TECRL: variants seen among roughly 807,000 people sequenced by gnomAD.
TECRL encodes trans-2,3-enoyl-CoA reductase-like.
TECRL carries 63 observed loss-of-function variants against 52.8 expected under a neutral mutation model. The observed-to-expected ratio is 1.19, with a 90% CI of 0.97 to 1.47. The LOEUF (loss-of-function observed/expected upper bound fraction) is 1.47. Among genes scored for constraint, TECRL ranks in the 40% most tolerant of loss-of-function variants. The pLI, the probability that TECRL is intolerant of heterozygous loss-of-function variation, is 0.00. For missense variants in TECRL, 482 were observed against 429.6 expected (o/e 1.12, Z -1.08); for synonymous variants, 164 against 141.9 (o/e 1.16, Z -1.10).
chr4:64,298,607 C>T (rs1398851209), intron 8 of TECRL, among the ~76,000 whole-genome samples: 1 of 150,674 alleles, frequency 6.6e-6, no homozygotes, highest in Non-Finnish European at 1.5e-5. Context: ...TAAATACATA[C>T]ATAGCCATAT....
At chr4:64,388,484 C>T (rs1457143535) in intron 1 of TECRL, among the ~76,000 whole-genome samples, 1 of 151,762 alleles carries the variant, frequency 6.6e-6, no homozygotes. Flanking sequence ...TCTTATTTGT[C>T]AATATTGTTT....
At chr4:64,299,907 A>G (rs534146746) in intron 8 of TECRL, 67 bp downstream of exon 8, 15 of 803,422 alleles carry the variant, frequency 1.9e-5, no homozygotes, top group East Asian at 2.8e-5. Flanking sequence ...ATCTTCAGAT[A>G]CAGTCTGTTT....
At chr4:64,284,130 T>C (rs1338064707) in intron 9 of TECRL, among the ~76,000 whole-genome samples, 1 of 152,004 alleles carries the variant, frequency 6.6e-6, no homozygotes, top group African/African-American at 2.4e-5. Flanking sequence ...TGAATAAAGA[T>C]TTGTTTATGT....
downstream of TECRL, chr4:64,276,911 C>A: frequency 5.0e-6 from 3 of 600,066 alleles, no homozygotes; most frequent in South Asian, 8.6e-5. Context: ...ACTCCTAAAA[C>A]CTGTAAATGA....
Position 64,302,423 on chromosome 4 carries a change from AAAC to A in TECRL, c.731-2409_731-2407del, listed in dbSNP as rs1290075987. On this transcript the variant is annotated intron_variant, in intron 7 of 11. Transcript: ENST00000381210. ...AAGAGCAGTGTCAACTATGACGAAA[AAAC>A]AACAACAGAAAACCAGAGAAAATAA... Among the ~76,000 whole-genome samples the A allele has an allele frequency of 9.5e-4, 144 of 151,518 alleles. 1 individual carries two copies. The highest frequency in any genetic ancestry group is 2.7e-3 in the African/African-American group (114 of 41,528).
chr4:64,404,220 C>CA (rs74418503), intron 1 of TECRL, among the ~76,000 whole-genome samples: 8,971 of 115,802 alleles, frequency 0.077, 400 homozygotes, highest in African/African-American at 0.13. Flanking sequence ...AGAGTTTTAC[C>CA]AAAAAAAAAA....
At chr4:64,399,981 C>T (rs72614761) in intron 1 of TECRL, among the ~76,000 whole-genome samples, 38,007 of 151,996 alleles carry the variant, frequency 0.25, 4,895 homozygotes, top group Middle Eastern at 0.31. Flanking sequence ...GGGCCACTGT[C>T]CTCCAGATCC....
At chr4:64,329,114 A>G (rs930042128) in intron 2 of TECRL, among the ~76,000 whole-genome samples, 1 of 151,950 alleles carries the variant, frequency 6.6e-6, no homozygotes, top group Non-Finnish European at 1.5e-5. Context: ...TAAAGAGAGC[A>G]CTAAATAATT....
intron 5 of TECRL, among the ~76,000 whole-genome samples, chr4:64,310,769 C>T (rs1716930631): frequency 6.6e-6 from 1 of 152,032 alleles, no homozygotes; most frequent in South Asian, 2.1e-4. Context: ...GCTGTGTTGT[C>T]CAGGCTGCAG....
intron 2 of TECRL, among the ~76,000 whole-genome samples, chr4:64,332,509 G>A (rs1050128814): frequency 1.3e-5 from 2 of 151,604 alleles, no homozygotes; most frequent in Non-Finnish European, 1.5e-5. Flanking sequence ...AAAATAGAAC[G>A]AAGAATGCTA....
At chr4:64,283,298 G>A (rs1242425761) in intron 9 of TECRL, among the ~76,000 whole-genome samples, 5 of 151,844 alleles carry the variant, frequency 3.3e-5, no homozygotes, top group Non-Finnish European at 7.4e-5. Flanking sequence ...CTCCATCCTG[G>A]CATTTGCAAT....
chr4:64,328,447 C>A, intron 3 of TECRL, 65 bp downstream of exon 3: 1 of 1,391,518 alleles, frequency 7.2e-7, no homozygotes, highest in South Asian at 1.2e-5. Context: ...AAGTGAATGT[C>A]AGCTTTTGAA....
chr4:64,371,701 T>C (rs1721981828), intron 2 of TECRL, among the ~76,000 whole-genome samples: 1 of 151,802 alleles, frequency 6.6e-6, no homozygotes, highest in Non-Finnish European at 1.5e-5. Flanking sequence ...CTGCTCCAGC[T>C]AGCCACTTTA....
chr4:64,303,981 C>T (rs563233701), intron 7 of TECRL, among the ~76,000 whole-genome samples: 9 of 151,716 alleles, frequency 5.9e-5, no homozygotes, highest in African/African-American at 2.2e-4. Flanking sequence ...ATTTTTCTAG[C>T]CTTCAATGGG....
chr4:64,278,119 AAG>A lies in TECRL; in HGVS notation c.*1951_*1952del. 3.2e-5 allele frequency: 2 copies of A among 63,106 alleles called. No homozygotes were observed. Among genetic ancestry groups the A allele is most frequent in the Non-Finnish European group, 1.3e-4 (2 of 15,392 alleles). 3.9% of individuals were successfully genotyped at this position (63,106 alleles called of 1,614,324 possible). On this transcript the variant is annotated 3_prime_UTR_variant, in exon 12 of 12. Coordinates refer to ENST00000381210, the MANE Select transcript of TECRL (RefSeq NM_001010874.5). Reference sequence around the variant, plus strand: ...ACACATATTTTGAAATATATTTCAGAAGATGTATAAATATAATTTACATACAA... The same window carrying A: ...ACACATATTTTGAAATATATTTCAGAATGTATAAATATAATTTACATACAA...
intron 2 of TECRL, among the ~76,000 whole-genome samples, chr4:64,331,719 C>T (rs1363507569): frequency 6.6e-6 from 1 of 151,866 alleles, no homozygotes; most frequent in East Asian, 1.9e-4. Flanking sequence ...CCTTTTGTAC[C>T]TTATGATTAA....
At chr4:64,392,373 T>C (rs757749437) in intron 1 of TECRL, among the ~76,000 whole-genome samples, 2 of 151,782 alleles carry the variant, frequency 1.3e-5, no homozygotes, top group Non-Finnish European at 2.9e-5. Flanking sequence ...TTTAGTCCAA[T>C]CTCCTTTACA....
intron 1 of TECRL, chr4:64,397,547 A>C (rs2348509): frequency 0.64 from 96,507 of 150,794 alleles, 32,160 homozygotes; most frequent in Non-Finnish European, 0.74. Flanking sequence ...TACTTCAGCC[A>C]TGTGAATACA....
At chr4:64,407,384 A>G (rs1317456655) in intron 1 of TECRL, among the ~76,000 whole-genome samples, 1 of 152,034 alleles carries the variant, frequency 6.6e-6, no homozygotes, top group African/African-American at 2.4e-5. Flanking sequence ...TCACAATTTA[A>G]TTAACACGTA....
Sources: allele counts gnomAD v4.1 joint callset (sites outside exome capture counted in the v4.1 genomes callset), GRCh38; gene constraint gnomAD v4.1.1; transcripts MANE v1.5; gene names NCBI Gene and HGNC (gene_info 2026-07-23, HGNC 2026-07-21).